The following PTPRH variants were observed in gnomAD, a reference collection of about 807,000 sequenced individuals.
The protein encoded by PTPRH is protein tyrosine phosphatase receptor type H, also known as receptor-type tyrosine-protein phosphatase H.
PTPRH carries 113 observed loss-of-function variants against 130.2 expected under a neutral mutation model. That is an observed-to-expected ratio of 0.87 (90% CI 0.75 to 1.01). PTPRH has a LOEUF of 1.01. PTPRH is among the 50% of genes least tolerant of loss of function. The pLI is 0.00. For synonymous variants in PTPRH, 556 were observed against 577.9 expected, an observed-to-expected ratio of 0.96 and a Z score of 0.54; for missense variants, 1,430 against 1,425.0, an observed-to-expected ratio of 1.00 and a Z score of -0.06.
rs1386914325 is a variant in PTPRH at position 55,187,615 on chromosome 19, G to A, written c.2476-12C>T. The A allele has an allele frequency of 2.5e-6, 4 of 1,594,472 alleles. No individual in the cohort carries two copies. In the Admixed American group the frequency reaches 6.7e-5, roughly 27 times the overall value. On this transcript the variant is annotated splice_polypyrimidine_tract_variant and intron_variant, in intron 13 of 19. Coordinates refer to ENST00000376350, the MANE Select transcript of PTPRH (RefSeq NM_002842.5). ...ACCAGGGAGAGTTGCTGGGGATGCAGGGAGAGGGGGTACCTGGTGTTGGAT... is the reference window on the plus strand; with the variant it reads ...ACCAGGGAGAGTTGCTGGGGATGCAAGGAGAGGGGGTACCTGGTGTTGGAT...
intron 14 of PTPRH, 136 bp from the exon 15 acceptor site, chr19:55,186,676 A>C (rs1427690494): frequency 3.0e-6 from 1 of 337,374 alleles, no homozygotes; most frequent in African/African-American, 1.8e-4. Context: ...AGACGCAGGC[A>C]GACCTTGGGA....
chr19:55,188,550 A>G (rs2086434745), intron 12 of PTPRH, among the ~76,000 whole-genome samples: 2 of 152,172 alleles, frequency 1.3e-5, no homozygotes, highest in Admixed American at 1.3e-4. Context: ...ATAAAAAATA[A>G]TAAACATACT....
intron 6 of PTPRH, among the ~76,000 whole-genome samples, 163 bp from the exon 7 acceptor site, chr19:55,200,665 G>A (rs1006608678): frequency 5.3e-5 from 8 of 152,150 alleles, no homozygotes; most frequent in South Asian, 2.1e-4. Flanking sequence ...CTAATGTGCC[G>A]GGCGTGGTGG....
chr19:55,206,455 A>C (rs113545680), intron 3 of PTPRH, among the ~76,000 whole-genome samples: 1 of 151,018 alleles, frequency 6.6e-6, no homozygotes, highest in Non-Finnish European at 1.5e-5. Context: ...TCCCGAGTAG[A>C]TGGGACCACG....
At chr19:55,190,451 T>C (rs980401164) in intron 12 of PTPRH, among the ~76,000 whole-genome samples, 2 of 142,864 alleles carry the variant, frequency 1.4e-5, no homozygotes, top group Non-Finnish European at 3.0e-5. Context: ...TTTATTTATA[T>C]ATTTTATATA....
chr19:55,200,540 TACAGA>T, intron 6 of PTPRH, 38 bp from the exon 7 acceptor site: 1 of 1,605,770 alleles, frequency 6.2e-7, no homozygotes. Flanking sequence ...TTGTCGGAGA[TACAGA>T]ACAGAACGGG....
chr19:55,182,966 T>C (rs916302373), intron 18 of PTPRH, among the ~76,000 whole-genome samples: 3 of 151,730 alleles, frequency 2.0e-5, no homozygotes, highest in Non-Finnish European at 2.9e-5. Context: ...GACTAACTTA[T>C]TAACTTTTTA....
In PTPRH at chr19:55,206,890, C is replaced by T. The variant is rs1327529436; in HGVS notation, c.151G>A (p.Glu51Lys). ...TGTGAGTCTAGGCCATCGGGGACCT[C>T]CCAGCTCAGGGAGATGGAGCTGGTG... is the stretch of plus-strand genomic sequence containing the variant. ...QTTSSISLSW[E>K]VPDGLDSQNS... is the part of the protein sequence containing the mutation. Residue 51 changes from glutamate to lysine, a missense_variant, in exon 3 of 20, where the codon GAG becomes AAG. By Grantham distance (56) the Glu-to-Lys change is moderately conservative (BLOSUM62 1). Coordinates refer to ENST00000376350, the MANE Select transcript of PTPRH (RefSeq NM_002842.5). 2 of 1,613,446 alleles carry T rather than the reference C, an allele frequency of 1.2e-6. No homozygotes were observed. Among genetic ancestry groups the T allele is most frequent in the African/African-American group, 2.7e-5 (2 of 74,920 alleles).
Position 55,189,146 on chromosome 19 carries a change from C to T in PTPRH, c.2385-978G>A, listed in dbSNP as rs553802608. ...GATTACAGGTGCCAGCCACCATGCC[C>T]GGCTAATTTTTGTATTTTTAGTAGA... is the stretch of plus-strand genomic sequence containing the variant. On this transcript the variant is annotated intron_variant, in intron 12 of 19. Transcript: ENST00000376350. Among the ~76,000 whole-genome samples the T allele has an allele frequency of 3.9e-5, 6 of 152,154 alleles. No homozygotes were observed. The South Asian group carries it at 6.2e-4, about 16-fold the overall frequency.
rs992219081 is a variant in PTPRH at position 55,195,812 on chromosome 19, C to A, written c.2257+710G>T. On this transcript the variant is annotated intron_variant, in intron 10 of 19. Coordinates refer to ENST00000376350, the MANE Select transcript of PTPRH (RefSeq NM_002842.5). ...TCTCGAACTCCTGAGCTCAAGTGAT[C>A]CTTCCACCTCAGCCTCCCAAAGTGC... is the stretch of plus-strand genomic sequence containing the variant. 3.2e-4 allele frequency among the ~76,000 whole-genome samples: 49 copies of A among 152,058 alleles called. 1 individual carries two copies. Among genetic ancestry groups the A allele is most frequent in the Admixed American group, 2.6e-4 (4 of 15,266 alleles).
Position 55,186,379 on chromosome 19 carries a change from G to A in PTPRH, c.2644-20C>T, listed in dbSNP as rs749118407. The A allele has an allele frequency of 2.4e-5, 38 of 1,609,290 alleles. No individual in the cohort carries two copies. The highest frequency in any genetic ancestry group is 1.1e-4 in the East Asian group (5 of 44,830). On this transcript the variant is annotated intron_variant, in intron 15 of 19. Transcript: ENST00000376350. The stretch of plus-strand genomic sequence containing the variant: ...GAGACCCTGGTTGAGGAAGGCAGGC[G>A]GGTCAGGGGGGCCTTTAGTTGATCC...
chr19:55,198,532 G>T, intron 8 of PTPRH, 111 bp downstream of exon 8: 2 of 1,200,212 alleles, frequency 1.7e-6, no homozygotes, highest in Non-Finnish European at 2.2e-6. Context: ...GGCCGGTGAG[G>T]CTGGAGAGGC....
At position 55,196,510 on chromosome 19, in the gene PTPRH, G is replaced by T; in HGVS notation, c.2257+12C>A. The T allele has an allele frequency of 6.2e-7, 1 of 1,602,464 alleles. No individual in the cohort carries two copies. On this transcript the variant is annotated intron_variant, in intron 10 of 19. Transcript: ENST00000376350. ...TTCATCATAGCTGGCTGGCCCGCGC[G>T]GCTCCGCTCACCTGCACTCTCGGTG...
At position 55,204,027 on chromosome 19, in the gene PTPRH, A is replaced by G. The variant is rs2086962442; in HGVS notation, c.641T>C (p.Leu214Pro). The G allele has an allele frequency of 6.2e-7, 1 of 1,613,754 alleles. No homozygotes were observed. The highest frequency in any genetic ancestry group is 1.3e-5 in the African/African-American group (1 of 74,922). The change falls in exon 5 of 20, where the codon CTG becomes CCG. Residue 214 changes from leucine (L) to proline (P), a missense_variant. Coordinates refer to ENST00000376350, the MANE Select transcript of PTPRH (RefSeq NM_002842.5). ...ATTAHNPVRN[L>P]RVEAQTTSSI... ...GCTGGTGGTCTGAGCCTCCACTCTCAGGTTCCTCACTGGGTTGTGAGCTGA... is the reference window on the plus strand; with the variant it reads ...GCTGGTGGTCTGAGCCTCCACTCTCGGGTTCCTCACTGGGTTGTGAGCTGA...
At chr19:55,186,078 G>A in intron 16 of PTPRH, 94 bp from the exon 17 acceptor site, 1 of 1,595,698 alleles carries the variant, frequency 6.3e-7, no homozygotes, top group Non-Finnish European at 8.6e-7. Flanking sequence ...CAGATGGGCT[G>A]GGGGGAGAGT....
At chr19:55,184,316 A>G (rs1186894514) in intron 18 of PTPRH, among the ~76,000 whole-genome samples, 2 of 151,904 alleles carry the variant, frequency 1.3e-5, no homozygotes, top group East Asian at 3.9e-4. Context: ...TAAATAAAAT[A>G]AAATAAAATA....
At chr19:55,186,434 G>T (rs758894659) in intron 15 of PTPRH, 30 bp downstream of exon 15, 8 of 1,613,928 alleles carry the variant, frequency 5.0e-6, no homozygotes, top group Non-Finnish European at 5.9e-6. Context: ...GGCGTGCTGG[G>T]CACCCTTTCA....
At chr19:55,199,748 G>GGAAAGAAAGAAAGAGAAAGAGAAA (rs143270418) in intron 7 of PTPRH, among the ~76,000 whole-genome samples, 1 of 143,602 alleles carries the variant, frequency 7.0e-6, no homozygotes, top group Non-Finnish European at 1.5e-5. Flanking sequence ...GGAAAGAGAA[G>GGAAAGAAAGAAAGAGAAAGAGAAA]GAAAGAAAGA....
At chr19:55,186,807 G>A (rs1159954865) in intron 14 of PTPRH, among the ~76,000 whole-genome samples, 1 of 152,178 alleles carries the variant, frequency 6.6e-6, no homozygotes, top group Non-Finnish European at 1.5e-5. Flanking sequence ...AACTTTGGGA[G>A]GCTGAGGTGG....
Sources: allele counts gnomAD v4.1 joint callset (sites outside exome capture counted in the v4.1 genomes callset), GRCh38; gene constraint gnomAD v4.1.1; transcripts MANE v1.5; gene names NCBI Gene and HGNC (gene_info 2026-07-23, HGNC 2026-07-21).